The following RBFOX1 variants were observed in gnomAD, a reference collection of about 807,000 sequenced individuals.
RBFOX1 encodes RNA binding protein fox-1 homolog 1.
Under a neutral mutation model 57.7 loss-of-function variants are expected in RBFOX1, and 8 were observed. The observed-to-expected ratio is 0.14, with a 90% CI of 0.08 to 0.25. The LOEUF is 0.25. Among genes scored for constraint, RBFOX1 ranks in the 10% least tolerant of loss-of-function variants. RBFOX1 has a pLI of 1.00. For synonymous variants in RBFOX1, 326 were observed against 222.4 expected (o/e 1.47, Z -4.15); for missense variants, 611 against 548.5 (o/e 1.11, Z -1.14).
chr16:6,505,419 A>G (rs565517647), intron 2 of RBFOX1, among the ~76,000 whole-genome samples: 3 of 152,320 alleles, frequency 2.0e-5, no homozygotes, highest in South Asian at 2.1e-4. Context: ...TGGAAACAAA[A>G]TGCTCCCATT....
chr16:6,603,430 C>T (rs1245120827), intron 2 of RBFOX1, among the ~76,000 whole-genome samples: 1 of 152,180 alleles, frequency 6.6e-6, no homozygotes, highest in Admixed American at 6.5e-5. Context: ...AAACAAAAAT[C>T]TTTTTGTGTT....
intron 4 of RBFOX1, among the ~76,000 whole-genome samples, chr16:7,119,971 T>G (rs4494564): frequency 6.6e-6 from 1 of 152,024 alleles, no homozygotes; most frequent in East Asian, 1.9e-4. Context: ...ACTTAACAAA[T>G]TTAAAATAAT....
Position 5,456,402 on chromosome 16 carries a change from G to A in RBFOX1, c.220-10814G>A, listed in dbSNP as rs373917891. 3.3e-5 allele frequency among the ~76,000 whole-genome samples: 5 copies of A among 152,168 alleles called. No homozygotes were observed. In the East Asian group the frequency reaches 9.7e-4, roughly 29 times the overall value. On this transcript the variant is annotated intron_variant, in intron 1 of 2. Coordinates refer to the RBFOX1 transcript ENST00000585867. ...CCTCCCATGGGTTACCTTCTTTTCG[G>A]GGAACGGATTTGAAAGGTTGGGTTG...
chr16:7,498,918 T>G (rs909109534), intron 4 of RBFOX1, among the ~76,000 whole-genome samples: 5 of 152,132 alleles, frequency 3.3e-5, no homozygotes, highest in East Asian at 1.9e-4. Context: ...AGCAACAGAT[T>G]AAGAGGATAA....
At chr16:5,828,948 T>C (rs1013019328) in intron 3 of RBFOX1, among the ~76,000 whole-genome samples, 1 of 152,194 alleles carries the variant, frequency 6.6e-6, no homozygotes, top group African/African-American at 2.4e-5. Flanking sequence ...CAGACACAGC[T>C]TAGCTGGGTC....
At chr16:6,336,638 A>C (rs999209096) in intron 2 of RBFOX1, among the ~76,000 whole-genome samples, 1 of 152,120 alleles carries the variant, frequency 6.6e-6, no homozygotes, top group African/African-American at 2.4e-5. Flanking sequence ...CCAGTTGTCA[A>C]CTTCCTTGGC....
intron 3 of RBFOX1, among the ~76,000 whole-genome samples, chr16:6,708,077 A>G (rs367575631): frequency 2.0e-5 from 3 of 152,242 alleles, no homozygotes; most frequent in South Asian, 2.1e-4. Flanking sequence ...TTTGAATGGT[A>G]GTAGAAGAAG....
chr16:6,191,337 G>C (rs1946126), intron 1 of RBFOX1, among the ~76,000 whole-genome samples: 1 of 152,106 alleles, frequency 6.6e-6, no homozygotes, highest in Non-Finnish European at 1.5e-5. Context: ...TCCTATAGCA[G>C]AAATTGTTGC....
intron 9 of RBFOX1, among the ~76,000 whole-genome samples, chr16:7,603,673 G>A (rs2095154437): frequency 6.6e-6 from 1 of 152,096 alleles, no homozygotes; most frequent in African/African-American, 2.4e-5. Context: ...GGTGGTCTTG[G>A]GGGGTTTTAT....
chr16:6,634,722 T>TATATTTGTACTAAATATATAAC, intron 2 of RBFOX1, among the ~76,000 whole-genome samples: 1 of 138,934 alleles, frequency 7.2e-6, no homozygotes, highest in Non-Finnish European at 1.5e-5. Flanking sequence ...AAATATATAA[T>TATATTTGTACTAAATATATAAC]ACAAAGATAT....
intron 3 of RBFOX1, among the ~76,000 whole-genome samples, chr16:5,759,514 C>T (rs958973061): frequency 6.6e-6 from 1 of 152,210 alleles, no homozygotes; most frequent in African/African-American, 2.4e-5. Context: ...TCACCTTCAG[C>T]CCATGCAAAT....
At chr16:7,116,508 G>T (rs1290452477) in intron 4 of RBFOX1, among the ~76,000 whole-genome samples, 2 of 152,070 alleles carry the variant, frequency 1.3e-5, no homozygotes, top group African/African-American at 4.8e-5. Context: ...TAAATAAGTA[G>T]TCAAGCTCTG....
chr16:6,747,047 A>T (rs139721783), intron 3 of RBFOX1, among the ~76,000 whole-genome samples: 2 of 152,206 alleles, frequency 1.3e-5, no homozygotes, highest in Admixed American at 6.5e-5. Flanking sequence ...GTCCTAGCAG[A>T]CCTCTGCAGA....
chr16:6,919,324 C>T (rs1012290454), intron 3 of RBFOX1, among the ~76,000 whole-genome samples: 7 of 152,152 alleles, frequency 4.6e-5, no homozygotes, highest in Admixed American at 3.3e-4. Flanking sequence ...CCTATTTATC[C>T]TGTTTACATG....
chr16:7,121,030 G>T (rs2067059391), intron 4 of RBFOX1, among the ~76,000 whole-genome samples: 1 of 151,774 alleles, frequency 6.6e-6, no homozygotes, highest in African/African-American at 2.4e-5. Flanking sequence ...CTGTAAAATA[G>T]TCCTGAACAG....
At chr16:5,431,322 A>C (rs1302858691) in intron 1 of RBFOX1, among the ~76,000 whole-genome samples, 1 of 152,182 alleles carries the variant, frequency 6.6e-6, no homozygotes, top group Non-Finnish European at 1.5e-5. Flanking sequence ...AATACTTGGT[A>C]AAATTTTAAA....
At chr16:7,491,790 C>G (rs2067063661) in intron 4 of RBFOX1, among the ~76,000 whole-genome samples, 1 of 151,986 alleles carries the variant, frequency 6.6e-6, no homozygotes, top group African/African-American at 2.4e-5. Flanking sequence ...GCCACCATGC[C>G]CAGCTAATTA....
At chr16:7,308,229 C>T (rs952739183) in intron 4 of RBFOX1, among the ~76,000 whole-genome samples, 3 of 151,012 alleles carry the variant, frequency 2.0e-5, no homozygotes, top group African/African-American at 7.3e-5. Context: ...TATGGTGAGG[C>T]AACAGACAGG....
intron 2 of RBFOX1, among the ~76,000 whole-genome samples, chr16:6,586,142 G>C (rs1226755787): frequency 6.6e-6 from 1 of 152,164 alleles, no homozygotes; most frequent in African/African-American, 2.4e-5. Context: ...CAATTCAGAC[G>C]TTTGGAATCA....
Sources: allele counts gnomAD v4.1 joint callset (sites outside exome capture counted in the v4.1 genomes callset), GRCh38; gene constraint gnomAD v4.1.1; transcripts MANE v1.5; gene names NCBI Gene and HGNC (gene_info 2026-07-23, HGNC 2026-07-21).